The following RUVBL1 variants were observed in gnomAD, a reference collection of about 807,000 sequenced individuals.
RUVBL1 encodes ruvB-like 1.
Under a neutral mutation model 52.4 loss-of-function variants are expected in RUVBL1, and 4 were observed. The observed-to-expected ratio is 0.08, with a 90% confidence interval of 0.04 to 0.17. The LOEUF (loss-of-function observed/expected upper bound fraction) is 0.17. Ranked by LOEUF, RUVBL1 falls within the 10% of genes least tolerant of loss-of-function variation. RUVBL1 has a pLI of 1.00. For synonymous variants in RUVBL1, 217 were observed against 214.4 expected (o/e 1.01, Z -0.10); for missense variants, 298 against 572.8 (o/e 0.52, Z 4.90).
At chr3:128,118,638 G>T (rs949313600) in intron 2 of RUVBL1, among the ~76,000 whole-genome samples, 2 of 152,162 alleles carry the variant, frequency 1.3e-5, no homozygotes, top group Admixed American at 6.5e-5. Context: ...GAAGCCACAC[G>T]GTGTCCTCTG....
intron 1 of RUVBL1, among the ~76,000 whole-genome samples, chr3:128,144,259 C>T (rs2107736361): frequency 1.3e-5 from 2 of 152,248 alleles, no homozygotes; most frequent in Middle Eastern, 3.4e-3. Flanking sequence ...AGCCAAAACT[C>T]AAATCAAAGA....
At chr3:128,145,095 T>C (rs763420389) in intron 1 of RUVBL1, among the ~76,000 whole-genome samples, 1 of 152,218 alleles carries the variant, frequency 6.6e-6, no homozygotes, top group Non-Finnish European at 1.5e-5. Flanking sequence ...AGCCCCTGGA[T>C]GAAGCAAGCT....
intron 1 of RUVBL1, among the ~76,000 whole-genome samples, chr3:128,134,268 G>C (rs573436460): frequency 2.0e-5 from 3 of 151,856 alleles, no homozygotes; most frequent in Admixed American, 2.0e-4. Flanking sequence ...TTTGAGACCA[G>C]CCTGGCCAAC....
chr3:128,135,071 T>C (rs566936678), intron 1 of RUVBL1, among the ~76,000 whole-genome samples: 236 of 152,266 alleles, frequency 1.5e-3, no homozygotes, highest in African/African-American at 5.1e-3. Context: ...TAAGACTATA[T>C]CTAGACATTT....
In RUVBL1 at chr3:128,082,410, T is replaced by C. The variant is rs1576439743; in HGVS notation, c.1211+73A>G. 8.9e-7 allele frequency: 1 copy of C among 1,127,246 alleles called. No individual in the cohort carries two copies. Among genetic ancestry groups the C allele is most frequent in the East Asian group, 2.3e-5 (1 of 42,594 alleles). The allele number at this position is 1,127,246 out of a possible 1,614,324, so 69.8% of individuals were successfully genotyped here. A position where few individuals can be genotyped will look rare whatever the true frequency, so the allele number is the denominator to read the frequency against. ...TGCCCTAGGAAGGGACCTGCCTTTA[T>C]TGTCCAGAATGACCCCAGCGAGGGC... On this transcript the variant is annotated intron_variant, in intron 10 of 10. Transcript: ENST00000322623. This position sits in a 1 kb window ranked among gnomAD's most constrained non-coding sequence, Gnocchi z 4.7.
chr3:128,145,846 T>C (rs1285519995), intron 1 of RUVBL1, among the ~76,000 whole-genome samples: 1 of 152,254 alleles, frequency 6.6e-6, no homozygotes, highest in Non-Finnish European at 1.5e-5. Context: ...AATGCCAATG[T>C]ATTTCAAGTA....
intron 8 of RUVBL1, among the ~76,000 whole-genome samples, chr3:128,091,310 G>C (rs1362271552): frequency 1.3e-5 from 2 of 151,350 alleles, no homozygotes; most frequent in Non-Finnish European, 2.9e-5. Flanking sequence ...AACGGGGGGT[G>C]GGGAGGATCA....
At chr3:128,147,847 C>T (rs767503732) in intron 1 of RUVBL1, among the ~76,000 whole-genome samples, 16 of 152,170 alleles carry the variant, frequency 1.1e-4, no homozygotes, top group Admixed American at 9.2e-4. Context: ...AACCCAAATG[C>T]CCTTCAACAG....
chr3:128,126,140 A>G (rs1299393697), upstream of RUVBL1, among the ~76,000 whole-genome samples: 1 of 152,098 alleles, frequency 6.6e-6, no homozygotes, highest in Admixed American at 6.6e-5. Context: ...GGGTGGGGAC[A>G]GGGAATGCTG....
At chr3:128,084,866 G>A (rs1278286029) in intron 9 of RUVBL1, 3 of 152,346 alleles carry the variant, frequency 2.0e-5, no homozygotes, top group Non-Finnish European at 4.4e-5. Flanking sequence ...CCTGAGGAGA[G>A]GCCCTCCTGA....
intron 1 of RUVBL1, among the ~76,000 whole-genome samples, chr3:128,149,768 A>C (rs1178833897): frequency 1.3e-5 from 2 of 152,150 alleles, no homozygotes; most frequent in Non-Finnish European, 2.9e-5. Flanking sequence ...GAGCCCACAC[A>C]AGGAGGGAGA....
At chr3:128,065,305 A>G (rs1360195396) in intron 9 of RUVBL1, 2 of 596,286 alleles carry the variant, frequency 3.4e-6, no homozygotes, top group Non-Finnish European at 6.0e-6. Context: ...CAGGTAAGAT[A>G]CATTTTTAAG....
intron 7 of RUVBL1, among the ~76,000 whole-genome samples, chr3:128,098,125 A>G (rs916854377): frequency 6.6e-6 from 1 of 152,122 alleles, no homozygotes; most frequent in Non-Finnish European, 1.5e-5. Context: ...TAACCCAGCT[A>G]AGGTCTCAGT....
chr3:128,153,279 C>T (rs1377372210), exon 1 of RUVBL1: 21 of 1,354,258 alleles, frequency 1.6e-5, no homozygotes, highest in Non-Finnish European at 1.8e-5. Flanking sequence ...GCAGGAGGAG[C>T]CACGTGAGAG....
intron 1 of RUVBL1, among the ~76,000 whole-genome samples, chr3:128,150,857 T>TTCTA (rs1944185357): frequency 1.2e-5 from 1 of 81,436 alleles, no homozygotes; most frequent in East Asian, 3.1e-4. Flanking sequence ...ATTCTATATA[T>TTCTA]TATATATTAT....
At chr3:128,068,042 G>A in intron 9 of RUVBL1, 2 of 1,613,880 alleles carry the variant, frequency 1.2e-6, no homozygotes, top group South Asian at 1.1e-5. Context: ...AGACCTCCAT[G>A]GTCCATGAAC....
At position 128,113,101 on chromosome 3, in the gene RUVBL1, G is replaced by A. The variant is rs1943431652; in HGVS notation, c.229-81C>T. The A allele has an allele frequency of 1.6e-5, 24 of 1,496,734 alleles. No homozygotes were observed. The South Asian group carries it at 2.3e-4, about 14-fold the overall frequency. 92.7% of individuals were successfully genotyped at this position (1,496,734 alleles called of 1,614,324 possible). On this transcript the variant is annotated intron_variant, in intron 2 of 10. Transcript: ENST00000322623. Reference sequence around the variant, plus strand: ...GAAACACATGCTACAGAACCACCAGGAACTAGGAACAGCTGAACATCTAGT... The same window carrying A: ...GAAACACATGCTACAGAACCACCAGAAACTAGGAACAGCTGAACATCTAGT...
chr3:128,118,935 T>C (rs765954336), intron 2 of RUVBL1, among the ~76,000 whole-genome samples: 2 of 152,214 alleles, frequency 1.3e-5, no homozygotes, highest in Non-Finnish European at 2.9e-5. Flanking sequence ...ACAGCCACAA[T>C]AGCGATGCGT....
At chr3:128,096,703 T>C (rs185457192) in intron 8 of RUVBL1, among the ~76,000 whole-genome samples, 38 of 152,150 alleles carry the variant, frequency 2.5e-4, no homozygotes, top group Non-Finnish European at 8.8e-5. Context: ...GGTGGGCAAC[T>C]GTAGTCCCAG....
Sources: gnomAD v4.1 joint callset for allele counts (sites outside exome capture counted in the v4.1 genomes callset) on GRCh38, gnomAD v4.1.1 for gene constraint, Gnocchi (gnomAD v3.1) non-coding constraint, MANE v1.5 for transcripts, NCBI Gene and HGNC (gene_info 2026-07-23, HGNC 2026-07-21) for gene names.